Variants in COL2A1 observed in about 807,000 individuals in gnomAD.
COL2A1 encodes collagen alpha-1(II) chain.
A neutral mutation model predicts 204.5 loss-of-function variants in COL2A1; 28 were observed. That is an observed-to-expected ratio of 0.14 (90% confidence interval 0.10 to 0.19). COL2A1 has a LOEUF of 0.19. COL2A1 is among the 10% of genes least tolerant of loss of function. The pLI, the probability that COL2A1 is intolerant of heterozygous loss-of-function variation, is 1.00. For missense variants in COL2A1, 1,388 were observed against 2,027.5 expected, an observed-to-expected ratio of 0.68 and a Z score of 6.06; for synonymous variants, 708 against 718.7, an observed-to-expected ratio of 0.99 and a Z score of 0.24.
intron 3 of COL2A1, 106 bp downstream of exon 3, chr12:47,998,309 T>G: frequency 6.5e-7 from 1 of 1,538,092 alleles, no homozygotes; most frequent in Non-Finnish European, 9.0e-7. Context: ...AACAGATATC[T>G]TCTGATGTCT....
At chr12:47,998,540 T>TC in intron 2 of COL2A1, 109 bp from the exon 3 acceptor site, 1 of 1,217,702 alleles carries the variant, frequency 8.2e-7, no homozygotes, top group Non-Finnish European at 1.2e-6. Flanking sequence ...AAGGACACAA[T>TC]CAAGGAAGGC....
At chr12:47,977,516 C>G (rs1046621638) in intron 45 of COL2A1, 84 bp downstream of exon 45, 21 of 1,596,886 alleles carry the variant, frequency 1.3e-5, no homozygotes, top group Non-Finnish European at 1.6e-5. Context: ...GAGACTTGTT[C>G]CAACCTGCCA....
rs763788974 is a variant in COL2A1, at chr12:47,980,980, G to A, written c.2464-12C>T. 2 of 1,550,782 alleles carry A rather than the reference G, an allele frequency of 1.3e-6. No individual in the cohort carries two copies. The highest frequency in any genetic ancestry group is 2.0e-5 in the Admixed American group (1 of 51,028). ...TCTCCACGTTCACCCTGTGAGAGAA[G>A]GGGGCATGGCGAGAGGTCAGGCCCC... On this transcript the variant is annotated splice_polypyrimidine_tract_variant and intron_variant, in intron 37 of 53. Coordinates refer to ENST00000380518, the MANE Select transcript of COL2A1 (RefSeq NM_001844.5). This position sits in a 1 kb window ranked among gnomAD's most constrained non-coding sequence, Gnocchi z 4.5.
chr12:48,002,903 G>C (rs1434281695), intron 1 of COL2A1: 2 of 152,242 alleles, frequency 1.3e-5, no homozygotes, highest in Admixed American at 1.3e-4. Flanking sequence ...GCTAATGACC[G>C]GAAAGCCCGC....
In COL2A1 at chr12:48,004,326, C is replaced by G. The variant is rs376791587; in HGVS notation, c.-5G>C. 6.5e-7 allele frequency: 1 copy of G among 1,539,300 alleles called. No homozygotes were observed. Among genetic ancestry groups the G allele is most frequent in the African/African-American group, 1.4e-5 (1 of 72,918 alleles). ...GGGAGCCCCGAGGCGAATCATGGCT[C>G]ACCGCGGGGCCTGGCTGAGCCGGGC... On this transcript the variant is annotated 5_prime_UTR_variant, in exon 1 of 54. Transcript: ENST00000380518.
At position 48,000,053 on chromosome 12, in the gene COL2A1, C is replaced by T. The variant is rs370821294; in HGVS notation, c.158G>A (p.Arg53Gln). The T allele has an allele frequency of 2.9e-5, 47 of 1,613,890 alleles. No homozygotes were observed. Among genetic ancestry groups the T allele is most frequent in the African/African-American group, 5.3e-5 (4 of 74,886 alleles). ...DKDVWKPEPC[R>Q]ICVCDTGTVL... ...AGTCCCAGTGTCACAGACACAGATC[C>T]GGCAGGGCTCCGGCTTCCACACATC... is the stretch of plus-strand genomic sequence containing the variant. The change falls in exon 2 of 54, where the codon CGG (arginine) becomes CAG (glutamine). Residue 53 changes from arginine (R) to glutamine (Q), a missense_variant. Around this residue, in one of 3 missense-constraint regions of COL2A1, gnomAD observed 201 missense variants for 242.4 expected, o/e 0.83. Coordinates refer to ENST00000380518, the MANE Select transcript of COL2A1 (RefSeq NM_001844.5).
chr12:47,989,307 A>G (rs1939589705), intron 17 of COL2A1, 26 bp from the exon 18 acceptor site: 2 of 1,606,780 alleles, frequency 1.2e-6, no homozygotes, highest in Admixed American at 3.4e-5. Flanking sequence ...GGATGAGAAG[A>G]GAGGTGAATG....
rs536096527 is a variant in COL2A1, at chr12:48,002,123, G to A, written c.86-1998C>T. Among the ~76,000 whole-genome samples, 4 of 152,226 alleles carry A rather than the reference G, an allele frequency of 2.6e-5. No individual in the cohort carries two copies. In the South Asian group the frequency reaches 8.3e-4, roughly 32 times the overall value. On this transcript the variant is annotated intron_variant, in intron 1 of 53. Transcript: ENST00000380518. ...AGCCCGATTCACAGGTCTCCGCGAG[G>A]AACCAGTTTAAATAAATACGGGCAG...
intron 16 of COL2A1, among the ~76,000 whole-genome samples, chr12:47,990,768 T>G (rs768160411): frequency 2.2e-4 from 33 of 152,196 alleles, no homozygotes; most frequent in Non-Finnish European, 4.6e-4. Flanking sequence ...GGAGGGTTTT[T>G]TCTGCCAAGT....
rs35656892 is a variant in COL2A1 at position 47,982,911 on chromosome 12, G to A, written c.2130C>T (p.Pro710=). The A allele has an allele frequency of 3.5e-4, 565 of 1,613,356 alleles. 2 individuals are homozygous for A. The African/African-American group carries it at 4.7e-3, about 14-fold the overall frequency. ...GGGGACCCTGGAGGCCCTGGGCACC[G>A]GGAGAGCCACGTTCACCTGGGAAAC... ...ERGFPGERGS[P]GAQGLQGPRG... The change falls in exon 33 of 54, where the codon CCC becomes CCT. Residue 710 remains proline, a synonymous_variant. Transcript: ENST00000380518.
At chr12:48,006,148 A>G (rs3825404), upstream of COL2A1, 115,268 of 152,108 alleles carry the variant, frequency 0.76, 44,283 homozygotes, top group Middle Eastern at 0.85. Context: ...GCTAGAAGAA[A>G]GCTGGTCTCT....
In COL2A1 at chr12:48,003,314, T is replaced by C. The variant is rs914287850; in HGVS notation, c.85+923A>G. Among the ~76,000 whole-genome samples the C allele has an allele frequency of 4.0e-5, 6 of 150,298 alleles. No individual in the cohort carries two copies. The East Asian group carries it at 9.8e-4, about 25-fold the overall frequency. ...CTGCTCCCCTTCCCTGACACACACA[T>C]ACACACACACACACGCACACACACA... On this transcript the variant is annotated intron_variant, in intron 1 of 53. Coordinates refer to ENST00000380518, the MANE Select transcript of COL2A1 (RefSeq NM_001844.5).
chr12:47,976,219 CTATT>C lies in COL2A1; in HGVS notation c.3490-153_3490-150del, dbSNP rs1008288677. 44 of 739,262 alleles carry C rather than the reference CTATT, an allele frequency of 6.0e-5. No individual in the cohort carries two copies. The highest frequency in any genetic ancestry group is 2.6e-5 in the East Asian group (1 of 37,930). 45.8% of individuals were successfully genotyped at this position (739,262 alleles called of 1,614,324 possible). A position where few individuals can be genotyped will look rare whatever the true frequency, so the allele number is the denominator to read the frequency against. On this transcript the variant is annotated intron_variant, in intron 49 of 53. Transcript: ENST00000380518. This position sits in a 1 kb window ranked among gnomAD's most constrained non-coding sequence, Gnocchi z 4.3. ...CAGTCATGGAACCCTAAGTTGGTCT[CTATT>C]TGGCCAAGAACCAGCAGGATAGCTC...
Position 47,985,820 on chromosome 12 carries a change from G to A in COL2A1, c.1588C>T (p.Pro530Ser), listed in dbSNP as rs868084415. The change falls in exon 25 of 54, where the codon CCT becomes TCT. Residue 530 changes from proline to serine, a missense_variant. Coordinates refer to ENST00000380518, the MANE Select transcript of COL2A1 (RefSeq NM_001844.5). ...AGACCACTGGGCCCTCGCTCTCCAG[G>A]GGCTCCCTACAAGGGTACACAGGGA... ...QDGLAGPKGAPGERGPSGLAG... is the reference protein window; with the variant it reads ...QDGLAGPKGASGERGPSGLAG... The A allele has an allele frequency of 6.2e-7, 1 of 1,609,988 alleles. No individual in the cohort carries two copies. Among genetic ancestry groups the A allele is most frequent in the Non-Finnish European group, 8.5e-7 (1 of 1,178,130 alleles).
rs985454828 is a variant in COL2A1 at position 47,987,903 on chromosome 12, T to C, written c.1123-194A>G. 2.6e-5 allele frequency among the ~76,000 whole-genome samples: 4 copies of C among 152,132 alleles called. No individual in the cohort carries two copies. The highest frequency in any genetic ancestry group is 5.9e-5 in the Non-Finnish European group (4 of 68,028). On this transcript the variant is annotated intron_variant, in intron 18 of 53. Transcript: ENST00000380518. This position sits in a 1 kb window ranked among gnomAD's most constrained non-coding sequence, Gnocchi z 4.1. ...CTCCCTGCCTGACCGAGCTGATGAC[T>C]TGATGACTTCCCACGCCTGCCTCCT...
chr12:48,001,128 C>G (rs1040488027), intron 1 of COL2A1: 1 of 152,308 alleles, frequency 6.6e-6, no homozygotes, highest in Non-Finnish European at 1.5e-5. Flanking sequence ...AAGAGCGCTC[C>G]TTAGCAGCCA....
Position 47,976,000 on chromosome 12 carries a change from G to C in COL2A1, c.3560C>G (p.Pro1187Arg), listed in dbSNP as rs1938688448. Reference sequence around the variant, plus strand: ...TTCGCCTGATCGTCCACGGGGACCAGGAGGCCCAATGGGGCCAGGGATTCC... The same window carrying C: ...TTCGCCTGATCGTCCACGGGGACCACGAGGCCCAATGGGGCCAGGGATTCC... Reference protein sequence around the residue: ...ANGIPGPIGPPGPRGRSGETG... With the variant: ...ANGIPGPIGPRGPRGRSGETG... Residue 1187 changes from proline to arginine, a missense_variant, in exon 50 of 54, where the codon CCT becomes CGT. By Grantham distance (103) the Pro-to-Arg change is moderately radical. Transcript: ENST00000380518. 8.7e-6 allele frequency: 14 copies of C among 1,614,074 alleles called. No individual in the cohort carries two copies. Among genetic ancestry groups the C allele is most frequent in the Non-Finnish European group, 1.2e-5 (14 of 1,179,900 alleles).
intron 1 of COL2A1, among the ~76,000 whole-genome samples, chr12:48,000,727 G>C (rs1166993488): frequency 1.3e-5 from 2 of 152,324 alleles, no homozygotes; most frequent in Middle Eastern, 3.4e-3. Context: ...TATAAGAAAG[G>C]GGGGTGAAAA....
chr12:48,004,332 G>C lies in COL2A1; in HGVS notation c.-11C>G, dbSNP rs1940374391. On this transcript the variant is annotated 5_prime_UTR_variant, in exon 1 of 54. Coordinates refer to ENST00000380518, the MANE Select transcript of COL2A1 (RefSeq NM_001844.5). ...CCCGAGGCGAATCATGGCTCACCGC[G>C]GGGCCTGGCTGAGCCGGGCCCGGGC... The C allele has an allele frequency of 6.5e-7, 1 of 1,531,626 alleles. No individual in the cohort carries two copies. The highest frequency in any genetic ancestry group is 8.8e-7 in the Non-Finnish European group (1 of 1,130,814). 94.9% of individuals were successfully genotyped at this position (1,531,626 alleles called of 1,614,324 possible). A position where few individuals can be genotyped will look rare whatever the true frequency, so the allele number is the denominator to read the frequency against.
Sources: gnomAD v4.1 joint callset for allele counts (sites outside exome capture counted in the v4.1 genomes callset) on GRCh38, gnomAD v4.1.1 for gene constraint, gnomAD v4.1.1 regional missense constraint, Gnocchi (gnomAD v3.1) non-coding constraint, MANE v1.5 for transcripts, NCBI Gene and HGNC (gene_info 2026-07-23, HGNC 2026-07-21) for gene names.